Variants in TANC2 observed in about 807,000 individuals in gnomAD.
TANC2 encodes protein TANC2.
A neutral mutation model predicts 210.5 loss-of-function variants in TANC2; 26 were observed. The observed-to-expected ratio is 0.12, with a 90% confidence interval of 0.09 to 0.17. TANC2 has a LOEUF of 0.17. Ranked by LOEUF, TANC2 falls within the 10% of genes least tolerant of loss-of-function variation. The pLI is 1.00. For missense variants in TANC2, 2,129 were observed against 2,608.9 expected (o/e 0.82, Z 4.01); for synonymous variants, 931 against 967.1 (o/e 0.96, Z 0.69).
chr17:63,412,625 T>G lies in TANC2; in HGVS notation c.3899-55T>G. 7.0e-7 allele frequency: 1 copy of G among 1,429,238 alleles called. No individual in the cohort carries two copies. The highest frequency in any genetic ancestry group is 9.5e-7 in the Non-Finnish European group (1 of 1,055,986). 88.5% of individuals were successfully genotyped at this position (1,429,238 alleles called of 1,614,324 possible). A position where few individuals can be genotyped will look rare whatever the true frequency, so the allele number is the denominator to read the frequency against. On this transcript the variant is annotated intron_variant, in intron 23 of 27. Coordinates refer to ENST00000689528, the Ensembl canonical transcript of TANC2. The surrounding 1 kb of genome is among the most constrained non-coding windows in gnomAD (Gnocchi z 4.2). ...TTTCCTTCTTTTTTTTTTTTTCACC[T>G]TCATCCATTTTTTTTTCCTCTCCTA...
At chr17:63,284,564 A>T (rs191083361) in intron 9 of TANC2, among the ~76,000 whole-genome samples, 1 of 152,030 alleles carries the variant, frequency 6.6e-6, no homozygotes, top group Admixed American at 6.6e-5. Context: ...TTCCAGATAT[A>T]TTTCTGCTAT....
At chr17:63,019,637 C>G (rs1420537908) in intron 2 of TANC2, among the ~76,000 whole-genome samples, 1 of 152,036 alleles carries the variant, frequency 6.6e-6, no homozygotes, top group African/African-American at 2.4e-5. Flanking sequence ...ACCTAGATTG[C>G]TTAGTGGTGA....
rs540327994 is a variant in TANC2 at position 63,238,370 on chromosome 17, C to T, written c.1033+293C>T. Among the ~76,000 whole-genome samples, 3 of 152,164 alleles carry T rather than the reference C, an allele frequency of 2.0e-5. No individual in the cohort carries two copies. The South Asian group carries it at 6.2e-4, about 31-fold the overall frequency. On this transcript the variant is annotated intron_variant, in intron 8 of 27. Coordinates refer to ENST00000689528, the Ensembl canonical transcript of TANC2. ...ATCATCAAACAACTAAAAGTCTTTT[C>T]TCTCAATGAGAAGTCTTTGAAAGAA...
chr17:63,236,945 G>T (rs975826937), intron 7 of TANC2, among the ~76,000 whole-genome samples: 2 of 152,038 alleles, frequency 1.3e-5, no homozygotes, highest in African/African-American at 4.8e-5. Context: ...ATAGTGCTGT[G>T]GTAAACATGC....
chr17:63,113,246 G>A (rs941779349), intron 4 of TANC2, among the ~76,000 whole-genome samples: 40 of 152,204 alleles, frequency 2.6e-4, no homozygotes, highest in African/African-American at 9.6e-4. Flanking sequence ...TTTTTATAAT[G>A]CTAAACTATA....
intron 2 of TANC2, among the ~76,000 whole-genome samples, chr17:63,023,445 A>G (rs1004125987): frequency 3.9e-5 from 6 of 152,178 alleles, no homozygotes; most frequent in African/African-American, 7.2e-5. Context: ...GGCCCAAACA[A>G]TTCTTGCACT....
At position 63,421,892 on chromosome 17, in the gene TANC2, C is replaced by G. The variant is rs2049034955; in HGVS notation, c.6162C>G (p.Asp2054Glu). Residue 2054 changes from aspartate to glutamate, a missense_variant, in exon 28 of 28, where the codon GAC (aspartate) becomes GAG (glutamate). Coordinates refer to ENST00000689528, the Ensembl canonical transcript of TANC2. The surrounding 1 kb of genome is among the most constrained non-coding windows in gnomAD (Gnocchi z 6.9). Reference sequence around the variant, plus strand: ...ACCTGTACAGGCAGCTGTCCCGAGACTCTCGGCAAGGGCAGACATCCCCTA... The same window carrying G: ...ACCTGTACAGGCAGCTGTCCCGAGAGTCTCGGCAAGGGCAGACATCCCCTA... The G allele has an allele frequency of 6.2e-6, 10 of 1,614,002 alleles. No homozygotes were observed. The highest frequency in any genetic ancestry group is 8.5e-6 in the Non-Finnish European group (10 of 1,179,882).
intron 8 of TANC2, among the ~76,000 whole-genome samples, chr17:63,260,605 C>T (rs746850537): frequency 2.6e-5 from 4 of 151,744 alleles, no homozygotes; most frequent in Admixed American, 6.6e-5. Context: ...GGCAACACAG[C>T]GAAACCCTGT....
At chr17:63,260,066 T>C (rs1234321566) in intron 8 of TANC2, among the ~76,000 whole-genome samples, 1 of 152,170 alleles carries the variant, frequency 6.6e-6, no homozygotes, top group Non-Finnish European at 1.5e-5. Flanking sequence ...TAAAAGAAAG[T>C]GGCGAAGATG....
At position 63,107,192 on chromosome 17, in the gene TANC2, A is replaced by C. The variant is rs116540290; in HGVS notation, c.322+7835A>C. On this transcript the variant is annotated intron_variant, in intron 4 of 27. Transcript: ENST00000689528. Reference sequence around the variant, plus strand: ...TAAAATAAGTTGCTTGTCACAAGAAAGTGATTTCAGTTTCCCTTATAAAGA... The same window carrying C: ...TAAAATAAGTTGCTTGTCACAAGAACGTGATTTCAGTTTCCCTTATAAAGA... 2.5e-3 allele frequency among the ~76,000 whole-genome samples: 386 copies of C among 151,776 alleles called. 13 individuals are homozygous for C. Among genetic ancestry groups the C allele is most frequent in the African/African-American group, 8.9e-3 (366 of 41,060 alleles).
At chr17:63,015,925 G>A (rs774707922) in intron 2 of TANC2, among the ~76,000 whole-genome samples, 1 of 149,894 alleles carries the variant, frequency 6.7e-6, no homozygotes, top group Admixed American at 6.7e-5. Flanking sequence ...AAGTAATGCC[G>A]TTGTTTGATA....
intron 3 of TANC2, among the ~76,000 whole-genome samples, chr17:63,092,564 G>A (rs994545726): frequency 6.6e-6 from 1 of 152,012 alleles, no homozygotes; most frequent in Non-Finnish European, 1.5e-5. Context: ...TCTGGAAGCT[G>A]TACAGGAATC....
intron 14 of TANC2, among the ~76,000 whole-genome samples, chr17:63,359,315 G>A (rs1598937159): frequency 6.6e-6 from 1 of 151,192 alleles, no homozygotes; most frequent in African/African-American, 2.4e-5. Context: ...CTCCCAAAGT[G>A]CTGGGATTAC....
In TANC2 at chr17:63,245,793, A is replaced by G. The variant is rs769936454; in HGVS notation, c.1033+7716A>G. 1.9e-4 allele frequency among the ~76,000 whole-genome samples: 29 copies of G among 150,868 alleles called. 1 individual carries two copies. The highest frequency in any genetic ancestry group is 4.1e-4 in the Non-Finnish European group (28 of 67,802). The stretch of plus-strand genomic sequence containing the variant: ...GGGAGGTGGAGGTTGCAGTGAGCTG[A>G]GATCGTGCCACTGCACTCCAGCCTG... On this transcript the variant is annotated intron_variant, in intron 8 of 27. Transcript: ENST00000689528.
intron 7 of TANC2, among the ~76,000 whole-genome samples, chr17:63,204,669 T>TCTTTTA (rs1157268867): frequency 6.6e-6 from 1 of 151,940 alleles, no homozygotes; most frequent in Admixed American, 6.6e-5. Context: ...AAAAGTCATA[T>TCTTTTA]GGAATCTTAA....
chr17:63,359,173 C>G (rs2046878440), intron 14 of TANC2, among the ~76,000 whole-genome samples: 2 of 152,058 alleles, frequency 1.3e-5, no homozygotes, highest in Admixed American at 1.3e-4. Context: ...TGGCAATCCT[C>G]CTACCTTAGC....
At chr17:63,180,921 G>T (rs1053305872) in intron 5 of TANC2, among the ~76,000 whole-genome samples, 4 of 151,342 alleles carry the variant, frequency 2.6e-5, no homozygotes, top group Non-Finnish European at 5.9e-5. Flanking sequence ...CTACTAGGGA[G>T]GCTGAGGCGG....
rs150943664 is a variant in TANC2, at chr17:63,192,383, A to G, written c.434-1608A>G. Among the ~76,000 whole-genome samples, 187 of 152,338 alleles carry G rather than the reference A, an allele frequency of 1.2e-3. 1 individual carries two copies. Among genetic ancestry groups the G allele is most frequent in the African/African-American group, 3.9e-3 (162 of 41,586 alleles). ...GGAAGTACTGAAAGTAGTAATGTAGAAAGGGTTGCAGTTATCTGTCTCTTA... is the reference window on the plus strand; with the variant it reads ...GGAAGTACTGAAAGTAGTAATGTAGGAAGGGTTGCAGTTATCTGTCTCTTA... On this transcript the variant is annotated intron_variant, in intron 5 of 27. Coordinates refer to ENST00000689528, the Ensembl canonical transcript of TANC2.
intron 16 of TANC2, 27 bp from the exon 17 acceptor site, chr17:63,389,281 T>G: frequency 6.4e-7 from 1 of 1,559,236 alleles, no homozygotes; most frequent in Non-Finnish European, 8.8e-7. Flanking sequence ...GTTTGTCTAA[T>G]TATTAGTTCT....
Sources: gnomAD v4.1 joint callset for allele counts (sites outside exome capture counted in the v4.1 genomes callset) on GRCh38, gnomAD v4.1.1 for gene constraint, Gnocchi (gnomAD v3.1) non-coding constraint, MANE v1.5 for transcripts, NCBI Gene and HGNC (gene_info 2026-07-23, HGNC 2026-07-21) for gene names.